The following TNS3 variants were observed in gnomAD, a reference collection of about 807,000 sequenced individuals.
TNS3 encodes the protein tensin 3.
A neutral mutation model predicts 140.9 loss-of-function variants in TNS3; 45 were observed. The observed-to-expected ratio is 0.32, with a 90% CI of 0.25 to 0.41. The LOEUF (loss-of-function observed/expected upper bound fraction) is 0.41, where lower values mean the gene tolerates loss of function less well. TNS3 is among the 10% of genes least tolerant of loss of function. The pLI, the probability that TNS3 is intolerant of heterozygous loss-of-function variation, is 1.00. For missense variants in TNS3, 1,716 were observed against 1,906.7 expected (o/e 0.90, Z 1.86); for synonymous variants, 815 against 788.4 (o/e 1.03, Z -0.56).
intron 20 of TNS3, among the ~76,000 whole-genome samples, chr7:47,310,063 A>G (rs568103863): frequency 6.6e-6 from 1 of 152,318 alleles, no homozygotes; most frequent in African/African-American, 2.4e-5. Context: ...AGCAGTGGTA[A>G]TCACACTGTT....
intron 27 of TNS3, among the ~76,000 whole-genome samples, chr7:47,287,209 G>T (rs1361519147): frequency 6.6e-6 from 1 of 152,040 alleles, no homozygotes; most frequent in Non-Finnish European, 1.5e-5. Context: ...TTCTTTTCAG[G>T]ATTATATTAT....
At chr7:47,542,477 G>C (rs1326334316) in intron 1 of TNS3, among the ~76,000 whole-genome samples, 2 of 152,150 alleles carry the variant, frequency 1.3e-5, no homozygotes, top group Non-Finnish European at 2.9e-5. Context: ...TCAGTGCTCT[G>C]AAATTGGGGC....
intron 1 of TNS3, among the ~76,000 whole-genome samples, chr7:47,547,829 G>A (rs1309925554): frequency 6.6e-6 from 1 of 152,218 alleles, no homozygotes; most frequent in East Asian, 1.9e-4. Flanking sequence ...ACCAGCTCAT[G>A]TGCATCGCTG....
Position 47,303,130 on chromosome 7 carries a change from G to T in TNS3, c.3277C>A (p.Pro1093Thr). 3 of 1,613,926 alleles carry T rather than the reference G, an allele frequency of 1.9e-6. No homozygotes were observed. The highest frequency in any genetic ancestry group is 2.5e-6 in the Non-Finnish European group (3 of 1,179,904). Residue 1093 changes from proline (P) to threonine (T), a missense_variant, in exon 22 of 31, where the codon CCC (proline) becomes ACC (threonine). By Grantham distance (38) the Pro-to-Thr change is conservative. Transcript: ENST00000311160. The stretch of plus-strand genomic sequence containing the variant: ...TTCTCAGGGAGGGGTGGCTGCCCGG[G>T]CAGGGTCACACCCTGGCCCTGCAGG... ...PGLQGQGVTL[P>T]GQPPLPEKKR...
intron 27 of TNS3, among the ~76,000 whole-genome samples, chr7:47,287,542 A>T (rs563641963): frequency 1.9e-4 from 29 of 152,366 alleles, no homozygotes; most frequent in African/African-American, 5.8e-4. Flanking sequence ...GCTGGAGGTC[A>T]TCAGAGATTG....
At chr7:47,492,364 G>A (rs1032553621) in intron 3 of TNS3, among the ~76,000 whole-genome samples, 5 of 152,216 alleles carry the variant, frequency 3.3e-5, no homozygotes, top group African/African-American at 1.2e-4. Context: ...CCTGCCGCAC[G>A]GTAGACTCCA....
At chr7:47,561,037 C>A (rs1800310100) in intron 1 of TNS3, among the ~76,000 whole-genome samples, 1 of 152,192 alleles carries the variant, frequency 6.6e-6, no homozygotes, top group African/African-American at 2.4e-5. Context: ...TAAACTGAGG[C>A]ACAGCGTGGT....
chr7:47,427,121 G>C (rs973133091), intron 9 of TNS3, among the ~76,000 whole-genome samples: 10 of 57,246 alleles, frequency 1.7e-4, no homozygotes, highest in African/African-American at 5.5e-4. Flanking sequence ...GCAAGACTCT[G>C]TCAAAAAAAA....
chr7:47,293,001 C>T, intron 25 of TNS3, 96 bp from the exon 26 acceptor site: 1 of 1,071,694 alleles, frequency 9.3e-7, no homozygotes, highest in Non-Finnish European at 1.4e-6. Flanking sequence ...GATGCAAAGG[C>T]TGAGCCCTTA....
chr7:47,469,473 A>G (rs1796855719), intron 4 of TNS3, among the ~76,000 whole-genome samples: 1 of 152,258 alleles, frequency 6.6e-6, no homozygotes, highest in Non-Finnish European at 1.5e-5. Context: ...GAGTTCAGCC[A>G]CTGTGGAAAG....
chr7:47,485,272 A>G (rs1797569276), intron 3 of TNS3, among the ~76,000 whole-genome samples: 1 of 152,208 alleles, frequency 6.6e-6, no homozygotes, highest in African/African-American at 2.4e-5. Flanking sequence ...GGCTCATCCA[A>G]TGTGTGGACT....
rs568321277 is a variant in TNS3, at chr7:47,491,114, A to C, written c.-114-9973T>G. On this transcript the variant is annotated intron_variant, in intron 3 of 30. Transcript: ENST00000311160. ...AGCACGAGGCGGGCAGACATGACCC[A>C]GGACACTAGCCAGTGGGCAGAGAGG... Among the ~76,000 whole-genome samples, 10 of 152,348 alleles carry C rather than the reference A, an allele frequency of 6.6e-5. No homozygotes were observed. The South Asian group carries it at 2.1e-3, about 32-fold the overall frequency.
chr7:47,445,762 G>A (rs1273388501), intron 4 of TNS3, among the ~76,000 whole-genome samples: 1 of 152,192 alleles, frequency 6.6e-6, no homozygotes, highest in Non-Finnish European at 1.5e-5. Flanking sequence ...CTTTGACTTG[G>A]ACTAAAATGA....
chr7:47,461,178 T>C (rs1002898489), intron 4 of TNS3, among the ~76,000 whole-genome samples: 3 of 152,196 alleles, frequency 2.0e-5, no homozygotes, highest in Non-Finnish European at 4.4e-5. Flanking sequence ...AAGTGTTGTA[T>C]GTCAAGAAAT....
At chr7:47,489,675 C>A (rs752404651) in intron 3 of TNS3, among the ~76,000 whole-genome samples, 6 of 152,200 alleles carry the variant, frequency 3.9e-5, no homozygotes, top group Non-Finnish European at 8.8e-5. Flanking sequence ...CATTATGTCA[C>A]CATTATTTGT....
At chr7:47,503,854 T>G (rs11974349) in intron 3 of TNS3, among the ~76,000 whole-genome samples, 1 of 151,672 alleles carries the variant, frequency 6.6e-6, no homozygotes, top group Admixed American at 6.6e-5. Flanking sequence ...TCATAGAGGG[T>G]GCCTTCTTGC....
chr7:47,582,302 A>T, upstream of TNS3: 2 of 387,166 alleles, frequency 5.2e-6, no homozygotes, highest in South Asian at 3.8e-5. Flanking sequence ...CGCCCTGCCG[A>T]GGTGCGCCCT....
intron 3 of TNS3, among the ~76,000 whole-genome samples, chr7:47,505,664 A>G (rs1185806822): frequency 1.3e-5 from 2 of 152,220 alleles, no homozygotes; most frequent in Non-Finnish European, 2.9e-5. Context: ...AAGACTTTAA[A>G]AAGTCTCTTG....
Position 47,579,926 on chromosome 7 carries a change from C to G in TNS3, c.-265+2125G>C, listed in dbSNP as rs530342127. On this transcript the variant is annotated intron_variant, in intron 1 of 30. Coordinates refer to ENST00000311160, the MANE Select transcript of TNS3 (RefSeq NM_022748.12). Reference sequence around the variant, plus strand: ...GTGGAAGAGCATACTTTGACACCCCCTCTCCTGCCCTTTATTTCCAGAGTC... The same window carrying G: ...GTGGAAGAGCATACTTTGACACCCCGTCTCCTGCCCTTTATTTCCAGAGTC... 60 of 746,994 alleles carry G rather than the reference C, an allele frequency of 8.0e-5. No individual in the cohort carries two copies. The East Asian group carries it at 6.4e-3, about 79-fold the overall frequency. 46.3% of individuals were successfully genotyped at this position (746,994 alleles called of 1,614,324 possible). A position where few individuals can be genotyped will look rare whatever the true frequency, so the allele number is the denominator to read the frequency against.
Sources: gnomAD v4.1 joint callset for allele counts (sites outside exome capture counted in the v4.1 genomes callset) on GRCh38, gnomAD v4.1.1 for gene constraint, MANE v1.5 for transcripts, NCBI Gene and HGNC (gene_info 2026-07-23, HGNC 2026-07-21) for gene names.